The following BLOC1S3 variants were observed in gnomAD, a reference collection of about 807,000 sequenced individuals.
BLOC1S3 encodes biogenesis of lysosomal organelles complex 1 subunit 3, also known as biogenesis of lysosome-related organelles complex 1 subunit 3.
In BLOC1S3, 7 loss-of-function variants were observed where a neutral mutation model predicts 9.1. The observed-to-expected ratio is 0.77, with a 90% confidence interval of 0.44 to 1.45. The LOEUF (loss-of-function observed/expected upper bound fraction) is 1.45, where lower values mean the gene tolerates loss of function less well. BLOC1S3 is among the 40% of genes most tolerant of loss of function. The pLI, the probability that BLOC1S3 is intolerant of heterozygous loss-of-function variation, is 0.01. For synonymous variants in BLOC1S3, 145 were observed against 158.4 expected, an observed-to-expected ratio of 0.92 and a Z score of 0.64; for missense variants, 307 against 315.2, an observed-to-expected ratio of 0.97 and a Z score of 0.20.
At position 45,193,342 on chromosome 19, in the gene BLOC1S3, GCCT is replaced by G. The variant is rs368956287; in HGVS notation, n.180+5607_180+5609del. 3.1e-3 allele frequency among the ~76,000 whole-genome samples: 475 copies of G among 151,966 alleles called. 3 individuals carry two copies. The highest frequency in any genetic ancestry group is 0.011 in the African/African-American group (445 of 41,452). On this transcript the variant is annotated intron_variant and non_coding_transcript_variant, in intron 2 of 3. Transcript: ENST00000591569. The stretch of plus-strand genomic sequence containing the variant: ...GGCTTCTATTCAGCCATCTTCCCCT[GCCT>G]CCTCATAATTGCTATCTCTTTATTG...
chr19:45,209,642 C>T (rs998515906), intron 3 of BLOC1S3, among the ~76,000 whole-genome samples: 4 of 151,556 alleles, frequency 2.6e-5, no homozygotes, highest in South Asian at 2.1e-4. Context: ...AGGATGGTCT[C>T]GATCTCCTGA....
chr19:45,213,417 C>T lies in BLOC1S3; in HGVS notation n.283-3259C>T, dbSNP rs1969800459. ...CCCCAGCTCTAGACACACACCCAAC[C>T]CAGCCGTGGACCCCACCTGACCCCC... On this transcript the variant is annotated intron_variant and non_coding_transcript_variant, in intron 3 of 3. Transcript: ENST00000591569. 3.8e-6 allele frequency: 6 copies of T among 1,588,552 alleles called. No homozygotes were observed. In the East Asian group the frequency reaches 9.1e-5, roughly 24 times the overall value.
chr19:45,208,699 G>A (rs1416505109), intron 3 of BLOC1S3, among the ~76,000 whole-genome samples: 1 of 151,826 alleles, frequency 6.6e-6, no homozygotes, highest in Non-Finnish European at 1.5e-5. Context: ...AGGTTGCAGT[G>A]AGCTGAGGCT....
chr19:45,212,404 C>T (rs1309641260), intron 3 of BLOC1S3, among the ~76,000 whole-genome samples: 1 of 152,032 alleles, frequency 6.6e-6, no homozygotes, highest in East Asian at 1.9e-4. Flanking sequence ...TTCTAAGTAT[C>T]GAACGTTCCT....
At chr19:45,206,808 G>A (rs189016065) in intron 3 of BLOC1S3, among the ~76,000 whole-genome samples, 27 of 151,488 alleles carry the variant, frequency 1.8e-4, no homozygotes, top group African/African-American at 5.6e-4. Context: ...CTCTTTTGTA[G>A]GCTTATTAGC....
chr19:45,184,345 C>A (rs1969549857), downstream of BLOC1S3, among the ~76,000 whole-genome samples: 1 of 152,144 alleles, frequency 6.6e-6, no homozygotes, highest in Admixed American at 6.6e-5. Flanking sequence ...GTGGCTTACA[C>A]CTGTAATCCC....
downstream of BLOC1S3, among the ~76,000 whole-genome samples, chr19:45,185,505 C>T (rs1387742022): frequency 6.6e-6 from 1 of 152,024 alleles, no homozygotes; most frequent in East Asian, 1.9e-4. Flanking sequence ...CACCAAAATG[C>T]TAATAACACC....
rs552139493 is a variant in BLOC1S3 at position 45,180,001 on chromosome 19, C to T, written c.*96C>T. Reference sequence around the variant, plus strand: ...CTCCTGTGTCTCTTATCACCCCCCACCCCCGCTCCCATCTTGGTGTCACCC... The same window carrying T: ...CTCCTGTGTCTCTTATCACCCCCCATCCCCGCTCCCATCTTGGTGTCACCC... On this transcript the variant is annotated 3_prime_UTR_variant, in exon 2 of 2. Transcript: ENST00000433642. The T allele has an allele frequency of 2.8e-5, 40 of 1,414,030 alleles. No homozygotes were observed. The African/African-American group carries it at 5.2e-4, about 18-fold the overall frequency. 87.6% of individuals were successfully genotyped at this position (1,414,030 alleles called of 1,614,324 possible). A position where few individuals can be genotyped will look rare whatever the true frequency, so the allele number is the denominator to read the frequency against.
downstream of BLOC1S3, among the ~76,000 whole-genome samples, chr19:45,184,903 CAAA>C (rs71338752): frequency 0.14 from 6,746 of 46,636 alleles, 14 homozygotes; most frequent in African/African-American, 0.25. Context: ...CTGTCTCAAA[CAAA>C]AAAAAAAAAA....
chr19:45,193,395 G>A (rs1969622261), intron 2 of BLOC1S3, among the ~76,000 whole-genome samples: 1 of 151,878 alleles, frequency 6.6e-6, no homozygotes, highest in Non-Finnish European at 1.5e-5. Context: ...TTTGTATATT[G>A]GTTGTATATC....
Position 45,181,404 on chromosome 19 carries a change from G to C in BLOC1S3, c.*1499G>C, listed in dbSNP as rs778205907. 6.0e-6 allele frequency: 1 copy of C among 167,138 alleles called. No homozygotes were observed. The highest frequency in any genetic ancestry group is 1.5e-5 in the Non-Finnish European group (1 of 68,176). The allele number at this position is 167,138 out of a possible 1,614,324, so 10.4% of individuals were successfully genotyped here. On this transcript the variant is annotated 3_prime_UTR_variant, in exon 2 of 2. Transcript: ENST00000433642. ...TCTCAACTCTGTAGGCCAAGGTGGC[G>C]TCTCCTCTTGACTCTCCAGACCTAA...
At chr19:45,199,964 C>G (rs1214400755) in intron 2 of BLOC1S3, among the ~76,000 whole-genome samples, 1 of 152,012 alleles carries the variant, frequency 6.6e-6, no homozygotes, top group Non-Finnish European at 1.5e-5. Flanking sequence ...CAGGATTTCA[C>G]TATGTTGGCC....
At position 45,179,525 on chromosome 19, in the gene BLOC1S3, C is replaced by T; in HGVS notation, c.229C>T (p.Pro77Ser). The change falls in exon 2 of 2, where the codon CCG (proline) becomes TCG (serine). Residue 77 changes from proline (P) to serine (S), a missense_variant. By Grantham distance (74) the Pro-to-Ser change is moderately conservative (BLOSUM62 -1). Transcript: ENST00000433642. This position sits in a 1 kb window ranked among gnomAD's most constrained non-coding sequence, Gnocchi z 4.6. Reference sequence around the variant, plus strand: ...GCCGGAGCCGGAACCGACGGCCGCGCCGAGGGACCTGCCTCCACTCGTGGT... The same window carrying T: ...GCCGGAGCCGGAACCGACGGCCGCGTCGAGGGACCTGCCTCCACTCGTGGT... ...PEPEPEPTAA[P>S]RDLPPLVVQR... The T allele has an allele frequency of 6.6e-7, 1 of 1,523,318 alleles. No individual in the cohort carries two copies. Among genetic ancestry groups the T allele is most frequent in the Non-Finnish European group, 8.8e-7 (1 of 1,142,668 alleles). 94.4% of individuals were successfully genotyped at this position (1,523,318 alleles called of 1,614,324 possible).
rs757409223 is a variant in BLOC1S3, at chr19:45,179,418, T to G, written c.122T>G (p.Leu41Arg). 1 of 1,550,730 alleles carries G rather than the reference T, an allele frequency of 6.4e-7. No individual in the cohort carries two copies. The highest frequency in any genetic ancestry group is 8.7e-7 in the Non-Finnish European group (1 of 1,155,816). Reference protein sequence around the residue: ...ASSSEEEELYLGPSGPTRGRP... With the variant: ...ASSSEEEELYRGPSGPTRGRP... The stretch of plus-strand genomic sequence containing the variant: ...TCGTCGGAGGAGGAGGAGCTGTACC[T>G]GGGTCCTTCGGGCCCGACGCGCGGC... Residue 41 changes from leucine (L) to arginine (R), a missense_variant, in exon 2 of 2, where the codon CTG becomes CGG. Physicochemically the swap from Leu to Arg is moderately radical, Grantham distance 102. Transcript: ENST00000433642. The surrounding 1 kb of genome is among the most constrained non-coding windows in gnomAD (Gnocchi z 4.6).
Position 45,213,486 on chromosome 19 carries a change from C to G in BLOC1S3, n.283-3190C>G, listed in dbSNP as rs984402858. ...GCCTGAGTTCTGGGGCCTCTGTGTC[C>G]CCTCCAGAGCCTTCCCTCCAATCAG... is the stretch of plus-strand genomic sequence containing the variant. On this transcript the variant is annotated intron_variant and non_coding_transcript_variant, in intron 3 of 3. Coordinates refer to the BLOC1S3 transcript ENST00000591569. The G allele has an allele frequency of 2.7e-4, 279 of 1,043,998 alleles. 2 individuals carry two copies. Among genetic ancestry groups the G allele is most frequent in the Admixed American group, 1.1e-4 (4 of 36,244 alleles). 64.7% of individuals were successfully genotyped at this position (1,043,998 alleles called of 1,614,324 possible).
Position 45,179,191 on chromosome 19 carries a change from T to G in BLOC1S3, c.-9-97T>G. 7.5e-7 allele frequency: 1 copy of G among 1,338,428 alleles called. No homozygotes were observed. Among genetic ancestry groups the G allele is most frequent in the African/African-American group, 1.5e-5 (1 of 64,736 alleles). The allele number at this position is 1,338,428 out of a possible 1,614,324, so 82.9% of individuals were successfully genotyped here. On this transcript the variant is annotated intron_variant, in intron 1 of 1. Transcript: ENST00000433642. This position sits in a 1 kb window ranked among gnomAD's most constrained non-coding sequence, Gnocchi z 4.6. ...CGGGGAGCAGCTGACACCAAGTCGT[T>G]AAGAGAATCAGCGAAGGGGCTGGGA... is the stretch of plus-strand genomic sequence containing the variant.
At chr19:45,187,943 A>G (rs558611634) in intron 2 of BLOC1S3, among the ~76,000 whole-genome samples, 183 of 152,254 alleles carry the variant, frequency 1.2e-3, no homozygotes, top group African/African-American at 4.2e-3. Context: ...ATGTTTTGAT[A>G]CAGGCATGCA....
intron 2 of BLOC1S3, among the ~76,000 whole-genome samples, chr19:45,189,277 C>T (rs1037811063): frequency 5.3e-5 from 8 of 152,166 alleles, no homozygotes; most frequent in Non-Finnish European, 1.0e-4. Context: ...ACCTTGGCCT[C>T]CCAAAGTGCT....
downstream of BLOC1S3, chr19:45,217,050 T>C (rs536996335): frequency 6.6e-6 from 1 of 151,752 alleles, no homozygotes; most frequent in East Asian, 1.9e-4. Context: ...TGAGACAGAG[T>C]CTCACTCTGT....
Sources: allele counts gnomAD v4.1 joint callset (sites outside exome capture counted in the v4.1 genomes callset), GRCh38; gene constraint gnomAD v4.1.1; non-coding constraint Gnocchi (gnomAD v3.1); transcripts MANE v1.5; gene names NCBI Gene and HGNC (gene_info 2026-07-23, HGNC 2026-07-21).